Variants in NEK10 observed in about 807,000 individuals in gnomAD.
The protein encoded by NEK10 is NIMA related kinase 10.
A neutral mutation model predicts 159.8 loss-of-function variants in NEK10; 122 were observed. The ratio of observed to expected loss-of-function variants is 0.76; its 90% confidence interval spans 0.66 to 0.89. The LOEUF (loss-of-function observed/expected upper bound fraction) is 0.89. Among genes scored for constraint, NEK10 ranks in the 40% least tolerant of loss-of-function variants. NEK10 has a pLI of 0.00. For missense variants in NEK10, 1,342 were observed against 1,323.1 expected, an observed-to-expected ratio of 1.01 and a Z score of -0.22; for synonymous variants, 466 against 457.1, an observed-to-expected ratio of 1.02 and a Z score of -0.25.
chr3:27,119,349 G>A (rs969139208), intron 33 of NEK10, among the ~76,000 whole-genome samples: 4 of 152,024 alleles, frequency 2.6e-5, no homozygotes, highest in Admixed American at 2.6e-4. Flanking sequence ...ATGTAAAAGA[G>A]AAAAAAATTC....
At chr3:27,231,518 G>A (rs895097443) in intron 23 of NEK10, among the ~76,000 whole-genome samples, 1 of 151,522 alleles carries the variant, frequency 6.6e-6, no homozygotes, top group Non-Finnish European at 1.5e-5. Context: ...CTAAATGAAA[G>A]TGAAACAAAA....
intron 23 of NEK10, among the ~76,000 whole-genome samples, chr3:27,245,495 G>T (rs1435193275): frequency 6.6e-6 from 1 of 152,024 alleles, no homozygotes; most frequent in Non-Finnish European, 1.5e-5. Flanking sequence ...TAAACGAAAG[G>T]CCACCTGAAA....
In NEK10 at chr3:27,314,612, T is replaced by C. The variant is rs150277627; in HGVS notation, c.448-274A>G. ...ATTCTTCTTAACTCCTCCTGTGTCA[T>C]CATAAAATGTTCGAGTTGAGAAGAG... On this transcript the variant is annotated intron_variant, in intron 6 of 35. Coordinates refer to ENST00000691995, the MANE Select transcript of NEK10 (RefSeq NM_001394966.1). 1.3e-3 allele frequency among the ~76,000 whole-genome samples: 201 copies of C among 152,274 alleles called. 1 individual carries two copies. The highest frequency in any genetic ancestry group is 2.3e-3 in the Non-Finnish European group (154 of 68,018).
chr3:27,107,826 C>A lies in NEK10; in HGVS notation c.*3446G>T, dbSNP rs192267108. ...TTCCTTAAAAAGAAGTTTTTCCTGCCTTCAGACAGGAGCTAAAGTCATTTC... is the reference window on the plus strand; with the variant it reads ...TTCCTTAAAAAGAAGTTTTTCCTGCATTCAGACAGGAGCTAAAGTCATTTC... On this transcript the variant is annotated 3_prime_UTR_variant, in exon 36 of 36. Coordinates refer to ENST00000691995, the MANE Select transcript of NEK10 (RefSeq NM_001394966.1). Among the ~76,000 whole-genome samples the A allele has an allele frequency of 1.2e-3, 188 of 152,258 alleles. No individual in the cohort carries two copies. The highest frequency in any genetic ancestry group is 4.2e-3 in the African/African-American group (173 of 41,552).
intron 30 of NEK10, among the ~76,000 whole-genome samples, chr3:27,144,149 G>A (rs1446991295): frequency 2.0e-5 from 3 of 151,458 alleles, no homozygotes; most frequent in African/African-American, 7.3e-5. Context: ...GCCTTCCTTT[G>A]TAAACAAATG....
At chr3:27,191,998 A>C in intron 26 of NEK10, 31 bp downstream of exon 26, 1 of 1,593,686 alleles carries the variant, frequency 6.3e-7, no homozygotes, top group Non-Finnish European at 8.6e-7. Flanking sequence ...ATTAGAGTGC[A>C]TCATGAACCG....
At position 27,353,580 on chromosome 3, in the gene NEK10, T is replaced by C. The variant is rs149251116; in HGVS notation, c.-37-661A>G. Among the ~76,000 whole-genome samples the C allele has an allele frequency of 8.5e-5, 13 of 152,276 alleles. No homozygotes were observed. In the East Asian group the frequency reaches 2.5e-3, roughly 29 times the overall value. On this transcript the variant is annotated intron_variant, in intron 1 of 35. Transcript: ENST00000691995. ...TTTAAAAATGATTTTCCCAATATAT[T>C]TGTCATATTTTTGACAAATAGTTGG... is the stretch of plus-strand genomic sequence containing the variant.
intron 33 of NEK10, 110 bp from the exon 34 acceptor site, chr3:27,116,237 T>C (rs1291593720): frequency 3.2e-6 from 3 of 931,654 alleles, no homozygotes; most frequent in Admixed American, 4.5e-5. Flanking sequence ...AATTTCTTAA[T>C]GATAAAGATG....
At chr3:27,264,280 C>T (rs960452815) in intron 22 of NEK10, among the ~76,000 whole-genome samples, 1 of 152,022 alleles carries the variant, frequency 6.6e-6, no homozygotes, top group Non-Finnish European at 1.5e-5. Flanking sequence ...GAATATTTCC[C>T]AAATCACTTC....
chr3:27,201,609 A>C (rs764931918), intron 24 of NEK10, 29 bp from the exon 25 acceptor site: 2 of 1,561,194 alleles, frequency 1.3e-6, no homozygotes, highest in Non-Finnish European at 8.8e-7. Flanking sequence ...AGAGTGATGG[A>C]AGTAAAGGGG....
rs193149431 is a variant in NEK10, at chr3:27,222,103, C to T, written c.2091-19546G>A. Reference sequence around the variant, plus strand: ...AAAAACTTTTCCTGGCCAGGCGCAGCGGCAAATGCCTGTAATCCCAGCAAT... The same window carrying T: ...AAAAACTTTTCCTGGCCAGGCGCAGTGGCAAATGCCTGTAATCCCAGCAAT... On this transcript the variant is annotated intron_variant, in intron 23 of 35. Coordinates refer to ENST00000691995, the MANE Select transcript of NEK10 (RefSeq NM_001394966.1). Among the ~76,000 whole-genome samples, 100 of 152,236 alleles carry T rather than the reference C, an allele frequency of 6.6e-4. No homozygotes were observed. In the East Asian group the frequency reaches 6.8e-3, roughly 10 times the overall value.
chr3:27,201,445 A>C, intron 25 of NEK10, 65 bp downstream of exon 25: 1 of 1,334,422 alleles, frequency 7.5e-7, no homozygotes. Context: ...ATAAATAGTG[A>C]TTTATTATAG....
chr3:27,259,100 T>C (rs914869380), intron 22 of NEK10, among the ~76,000 whole-genome samples: 16 of 151,690 alleles, frequency 1.1e-4, no homozygotes, highest in South Asian at 2.1e-4. Context: ...GGGAGTTCAC[T>C]GTAGATTCTG....
At chr3:27,266,742 T>C (rs1040835144) in intron 22 of NEK10, among the ~76,000 whole-genome samples, 3 of 152,206 alleles carry the variant, frequency 2.0e-5, no homozygotes. Flanking sequence ...TGGCTTGATG[T>C]AAAGCTTTGT....
At chr3:27,299,545 C>T (rs1378799256) in intron 13 of NEK10, among the ~76,000 whole-genome samples, 1 of 152,136 alleles carries the variant, frequency 6.6e-6, no homozygotes, top group Non-Finnish European at 1.5e-5. Context: ...CCTAGTGGAG[C>T]TGTAAGAAGC....
At chr3:27,115,781 AC>A (rs1940322061) in intron 35 of NEK10, among the ~76,000 whole-genome samples, 158 bp downstream of exon 35, 1 of 152,196 alleles carries the variant, frequency 6.6e-6, no homozygotes, top group South Asian at 2.1e-4. Context: ...CATATATTCT[AC>A]TTATAGATGT....
chr3:27,112,863 T>C (rs1939777257), intron 35 of NEK10, among the ~76,000 whole-genome samples: 1 of 152,194 alleles, frequency 6.6e-6, no homozygotes, highest in Non-Finnish European at 1.5e-5. Context: ...TAAATACTGA[T>C]TCTAAATACC....
intron 29 of NEK10, among the ~76,000 whole-genome samples, chr3:27,168,401 T>C (rs904131875): frequency 6.6e-6 from 1 of 152,196 alleles, no homozygotes; most frequent in Non-Finnish European, 1.5e-5. Flanking sequence ...ACATTTCACA[T>C]TAATAAACAA....
At chr3:27,218,736 T>TA (rs1178048499) in intron 23 of NEK10, among the ~76,000 whole-genome samples, 2,443 of 93,138 alleles carry the variant, frequency 0.026, 79 homozygotes, top group African/African-American at 0.075. Flanking sequence ...GAATGAAGTC[T>TA]AAAAAAAAAA....
Sources: gnomAD v4.1 joint callset for allele counts (sites outside exome capture counted in the v4.1 genomes callset) on GRCh38, gnomAD v4.1.1 for gene constraint, MANE v1.5 for transcripts, NCBI Gene and HGNC (gene_info 2026-07-23, HGNC 2026-07-21) for gene names.